Variants in RABIF observed in about 807,000 individuals in gnomAD.
The protein encoded by RABIF is RAB interacting factor.
A neutral mutation model predicts 12.3 loss-of-function variants in RABIF; 13 were observed. The ratio of observed to expected loss-of-function variants is 1.06; its 90% CI spans 0.69 to 1.68. RABIF has a LOEUF of 1.68. Ranked by LOEUF, RABIF falls within the 40% of genes most tolerant of loss-of-function variation. The pLI is 0.00. For synonymous variants in RABIF, 70 were observed against 63.3 expected, an observed-to-expected ratio of 1.11 and a Z score of -0.50; for missense variants, 153 against 158.0, an observed-to-expected ratio of 0.97 and a Z score of 0.17.
In RABIF at chr1:202,889,084, C is replaced by T. The variant is rs1272967799; in HGVS notation, c.15G>A (p.Glu5=). MEPA[E]QPSELVSAEG... ...CGGCTGACACTAACTCGCTCGGCTG[C>T]TCCGCTGGTTCCATCGCCGCTGCCG... The change falls in exon 1 of 2, where the codon GAG becomes GAA. Residue 5 remains glutamate (E), a synonymous_variant. Coordinates refer to ENST00000367262, the MANE Select transcript of RABIF (RefSeq NM_002871.5). 1 of 1,607,694 alleles carries T rather than the reference C, an allele frequency of 6.2e-7. No individual in the cohort carries two copies. The highest frequency in any genetic ancestry group is 8.5e-7 in the Non-Finnish European group (1 of 1,177,792).
Position 202,880,586 on chromosome 1 carries a change from A to T in RABIF, c.*392T>A. 1 of 608,868 alleles carries T rather than the reference A, an allele frequency of 1.6e-6. No individual in the cohort carries two copies. The highest frequency in any genetic ancestry group is 2.1e-6 in the Non-Finnish European group (1 of 483,330). The allele number at this position is 608,868 out of a possible 1,614,324, so 37.7% of individuals were successfully genotyped here. A position where few individuals can be genotyped will look rare whatever the true frequency, so the allele number is the denominator to read the frequency against. On this transcript the variant is annotated 3_prime_UTR_variant, in exon 2 of 2. Transcript: ENST00000367262. ...GAGAAAAAGGCAGATTTCAACTATT[A>T]GTACATAAGCATCTTTTGTTATGTG...
At position 202,880,861 on chromosome 1, in the gene RABIF, C is replaced by T; in HGVS notation, c.*117G>A. ...ATGTTCAAATGGACATGCTGGTACTCAGTATTTATATTAGCACAGACAAGA... is the reference window on the plus strand; with the variant it reads ...ATGTTCAAATGGACATGCTGGTACTTAGTATTTATATTAGCACAGACAAGA... On this transcript the variant is annotated 3_prime_UTR_variant, in exon 2 of 2. Transcript: ENST00000367262. 1.3e-6 allele frequency: 2 copies of T among 1,515,634 alleles called. No individual in the cohort carries two copies. Among genetic ancestry groups the T allele is most frequent in the Non-Finnish European group, 1.8e-6 (2 of 1,134,644 alleles). 93.9% of individuals were successfully genotyped at this position (1,515,634 alleles called of 1,614,324 possible).
In RABIF at chr1:202,879,229, A is replaced by G. The variant is rs1419124803; in HGVS notation, c.*1749T>C. 1 of 151,572 alleles carries G rather than the reference A, an allele frequency of 6.6e-6. No homozygotes were observed. The highest frequency in any genetic ancestry group is 1.5e-5 in the Non-Finnish European group (1 of 67,928). 9.4% of individuals were successfully genotyped at this position (151,572 alleles called of 1,614,324 possible). A position where few individuals can be genotyped will look rare whatever the true frequency, so the allele number is the denominator to read the frequency against. On this transcript the variant is annotated 3_prime_UTR_variant, in exon 2 of 2. Transcript: ENST00000367262. ...GGTCTCACTCTGTTGCCCAGGCTGG[A>G]GTGCCAGTGGTGTGATCTTGGCTTA...
At position 202,878,395 on chromosome 1, in the gene RABIF, C is replaced by T. The variant is rs1349253900; in HGVS notation, c.*2583G>A. 2.0e-5 allele frequency among the ~76,000 whole-genome samples: 3 copies of T among 152,224 alleles called. No individual in the cohort carries two copies. The highest frequency in any genetic ancestry group is 6.5e-5 in the Admixed American group (1 of 15,282). ...CCTCCCAGGGTTCCCATCTCCTCTG[C>T]TGTCCTGGTTTAGCAATTCTTCAAA... On this transcript the variant is annotated 3_prime_UTR_variant, in exon 2 of 2. Coordinates refer to ENST00000367262, the MANE Select transcript of RABIF (RefSeq NM_002871.5).
chr1:202,882,122 G>A (rs1659499682), intron 1 of RABIF, among the ~76,000 whole-genome samples: 1 of 152,192 alleles, frequency 6.6e-6, no homozygotes, highest in South Asian at 2.1e-4. Context: ...GTACACACCT[G>A]TAATCCCAGC....
In RABIF at chr1:202,881,664, C is replaced by T. The variant is rs553147336; in HGVS notation, c.127-441G>A. Among the ~76,000 whole-genome samples, 8 of 152,346 alleles carry T rather than the reference C, an allele frequency of 5.3e-5. No homozygotes were observed. In the East Asian group the frequency reaches 1.4e-3, roughly 26 times the overall value. On this transcript the variant is annotated intron_variant, in intron 1 of 1. Transcript: ENST00000367262. ...CCTCGTGATCTGCCTGCCTCGGCCT[C>T]CCGAAGTGCTGGGATTATAGGCGTG...
chr1:202,880,642 T>C lies in RABIF; in HGVS notation c.*336A>G, dbSNP rs1131905. On this transcript the variant is annotated 3_prime_UTR_variant, in exon 2 of 2. Transcript: ENST00000367262. ...ATAGCTAAAAGGTTGAATACTGCTC[T>C]TCTAGAGCAAGAAAAAGCGGGAGCC... 616,509 of 983,304 alleles carry C rather than the reference T, an allele frequency of 0.63. 194,960 individuals carry two copies. The highest frequency in any genetic ancestry group is 0.65 in the Non-Finnish European group (523,194 of 807,258). 60.9% of individuals were successfully genotyped at this position (983,304 alleles called of 1,614,324 possible). A position where few individuals can be genotyped will look rare whatever the true frequency, so the allele number is the denominator to read the frequency against.
rs757783371 is a variant in RABIF at position 202,881,191 on chromosome 1, A to G, written c.159T>C (p.Ala53=). The G allele has an allele frequency of 1.9e-6, 3 of 1,613,726 alleles. No homozygotes were observed. The highest frequency in any genetic ancestry group is 1.3e-5 in the African/African-American group (1 of 74,880). Residue 53 remains alanine (A), a synonymous_variant, in exon 2 of 2, where the codon GCT becomes GCC. Coordinates refer to ENST00000367262, the MANE Select transcript of RABIF (RefSeq NM_002871.5). ...CGTCAGGATTGCTGCCGTCAGACAG[A>G]GCTGGCTTCTTTCTCATGGAGGGAA... is the stretch of plus-strand genomic sequence containing the variant. ...LFLPSMRKKP[A]LSDGSNPDGD... is the part of the protein sequence containing the mutation.
chr1:202,889,115 G>T lies in RABIF; in HGVS notation c.-17C>A, dbSNP rs1264208539. ...TGGTTCCATCGCCGCTGCCGCCACA[G>T]GCTCCTCAGCCACGGCTGCGCAGAC... is the stretch of plus-strand genomic sequence containing the variant. On this transcript the variant is annotated 5_prime_UTR_variant, in exon 1 of 2. It adds an upstream start codon to the 5' untranslated region. Transcript: ENST00000367262. 1 of 1,599,628 alleles carries T rather than the reference G, an allele frequency of 6.3e-7. No homozygotes were observed. The highest frequency in any genetic ancestry group is 1.7e-5 in the Admixed American group (1 of 58,458).
intron 1 of RABIF, among the ~76,000 whole-genome samples, chr1:202,884,752 C>T (rs778245615): frequency 5.9e-5 from 9 of 152,072 alleles, no homozygotes; most frequent in Non-Finnish European, 1.0e-4. Context: ...AGAACTGCCT[C>T]GCTAAACCCA....
At chr1:202,885,086 C>CAAAAAAAAAAAA (rs113531957) in intron 1 of RABIF, among the ~76,000 whole-genome samples, 5 of 120,658 alleles carry the variant, frequency 4.1e-5, no homozygotes, top group African/African-American at 1.0e-4. Flanking sequence ...GACTCTATCT[C>CAAAAAAAAAAAA]AAAAAAAAAA....
At chr1:202,882,327 T>C (rs1659502847) in intron 1 of RABIF, among the ~76,000 whole-genome samples, 1 of 152,102 alleles carries the variant, frequency 6.6e-6, no homozygotes, top group African/African-American at 2.4e-5. Context: ...GAGGCTGCAG[T>C]GAGCTGAGAT....
intron 1 of RABIF, among the ~76,000 whole-genome samples, chr1:202,886,227 G>A (rs1220882252): frequency 9.2e-5 from 4 of 43,444 alleles, no homozygotes; most frequent in Non-Finnish European, 1.9e-4. Flanking sequence ...AGAGCACAAC[G>A]GGGAACGGGA....
chr1:202,879,518 T>C lies in RABIF; in HGVS notation c.*1460A>G, dbSNP rs1659457412. 1 of 152,358 alleles carries C rather than the reference T, an allele frequency of 6.6e-6. No individual in the cohort carries two copies. The highest frequency in any genetic ancestry group is 2.4e-5 in the African/African-American group (1 of 41,584). 9.4% of individuals were successfully genotyped at this position (152,358 alleles called of 1,614,324 possible). A position where few individuals can be genotyped will look rare whatever the true frequency, so the allele number is the denominator to read the frequency against. ...TGACTTGTGTGGATAACTCTGTTTT[T>C]CTGCACATGCCATAACGATGGACAT... On this transcript the variant is annotated 3_prime_UTR_variant, in exon 2 of 2. Transcript: ENST00000367262.
Position 202,880,710 on chromosome 1 carries a change from G to C in RABIF, c.*268C>G, listed in dbSNP as rs906954008. The C allele has an allele frequency of 4.2e-5, 50 of 1,185,442 alleles. No individual in the cohort carries two copies. The highest frequency in any genetic ancestry group is 4.9e-5 in the Non-Finnish European group (47 of 952,474). The allele number at this position is 1,185,442 out of a possible 1,614,324, so 73.4% of individuals were successfully genotyped here. On this transcript the variant is annotated 3_prime_UTR_variant, in exon 2 of 2. Coordinates refer to ENST00000367262, the MANE Select transcript of RABIF (RefSeq NM_002871.5). Reference sequence around the variant, plus strand: ...CTAGGGAGAATGCCAGGGAAGAGATGAGATTTTTGGAGGTAAGCACAGTGT... The same window carrying C: ...CTAGGGAGAATGCCAGGGAAGAGATCAGATTTTTGGAGGTAAGCACAGTGT...
Position 202,889,029 on chromosome 1 carries a change from G to A in RABIF, c.70C>T (p.Gln24Ter), listed in dbSNP as rs370222073. 6.2e-6 allele frequency: 10 copies of A among 1,608,104 alleles called. No homozygotes were observed. The African/African-American group carries it at 6.7e-5, about 11-fold the overall frequency. Residue 24 changes from glutamine to a stop codon, truncating the protein, a stop_gained, in exon 1 of 2, where the codon CAG (glutamine) becomes TAG (stop). Coordinates refer to ENST00000367262, the MANE Select transcript of RABIF (RefSeq NM_002871.5). LOFTEE classifies it high-confidence loss of function. ...EGRNRKAVLC[Q>*]RCGSRVLQPG... is the part of the protein sequence containing the mutation. ...TGCAGCACCCGGGAGCCGCAACGCT[G>A]GCACAGCACCGCCTTCCGGTTTCGG...
Position 202,889,069 on chromosome 1 carries a change from T to C in RABIF, c.30A>G (p.Leu10=), listed in dbSNP as rs1557980797. The change falls in exon 1 of 2, where the codon TTA becomes TTG. Residue 10 remains leucine (L), a synonymous_variant. Transcript: ENST00000367262. MEPAEQPSE[L]VSAEGRNRKA... ...TCCGGTTTCGGCCCTCGGCTGACAC[T>C]AACTCGCTCGGCTGCTCCGCTGGTT... The C allele has an allele frequency of 1.2e-6, 2 of 1,611,036 alleles. No homozygotes were observed. Among genetic ancestry groups the C allele is most frequent in the Non-Finnish European group, 1.7e-6 (2 of 1,178,954 alleles).
At chr1:202,888,880 G>C in intron 1 of RABIF, 93 bp downstream of exon 1, 1 of 1,417,092 alleles carries the variant, frequency 7.1e-7, no homozygotes, top group East Asian at 2.8e-5. Flanking sequence ...GGGCGCGGTT[G>C]CCGGAAATTG....
chr1:202,886,342 G>A lies in RABIF; in HGVS notation c.126+2631C>T, dbSNP rs1019780591. Reference sequence around the variant, plus strand: ...GGGAGTGGGAAGGGAAGGGAGGGAGGGGAAGGCAGGGCAGGGCAGAAGGTA... The same window carrying A: ...GGGAGTGGGAAGGGAAGGGAGGGAGAGGAAGGCAGGGCAGGGCAGAAGGTA... On this transcript the variant is annotated intron_variant, in intron 1 of 1. Coordinates refer to ENST00000367262, the MANE Select transcript of RABIF (RefSeq NM_002871.5). Among the ~76,000 whole-genome samples the A allele has an allele frequency of 2.9e-4, 43 of 146,770 alleles. No homozygotes were observed. The East Asian group carries it at 5.4e-3, about 18-fold the overall frequency.
Sources: gnomAD v4.1 joint callset for allele counts (sites outside exome capture counted in the v4.1 genomes callset) on GRCh38, gnomAD v4.1.1 for gene constraint, MANE v1.5 for transcripts, NCBI Gene and HGNC (gene_info 2026-07-23, HGNC 2026-07-21) for gene names.